The following DIP2C variants were observed in gnomAD, a reference collection of about 807,000 sequenced individuals.
The protein encoded by DIP2C is DIP2 acetate--CoA ligase C (putative), also known as disco-interacting protein 2 homolog C.
DIP2C carries 33 observed loss-of-function variants against 192.4 expected under a neutral mutation model. The ratio of observed to expected loss-of-function variants is 0.17; its 90% CI spans 0.13 to 0.23. DIP2C has a LOEUF of 0.23. Ranked by LOEUF, DIP2C falls within the 10% of genes least tolerant of loss-of-function variation. The pLI, the probability that DIP2C is intolerant of heterozygous loss-of-function variation, is 1.00. For missense variants in DIP2C, 1,537 were observed against 2,110.1 expected (o/e 0.73, Z 5.32); for synonymous variants, 979 against 864.1 (o/e 1.13, Z -2.33).
intron 19 of DIP2C, 102 bp downstream of exon 19, chr10:366,172 TA>T: frequency 6.7e-7 from 1 of 1,497,240 alleles, no homozygotes; most frequent in Non-Finnish European, 9.0e-7. Flanking sequence ...CACGTCTTGC[TA>T]AAATGGATCT....
intron 1 of DIP2C, among the ~76,000 whole-genome samples, chr10:605,351 C>G (rs1285638458): frequency 6.6e-6 from 1 of 152,226 alleles, no homozygotes; most frequent in Non-Finnish European, 1.5e-5. Flanking sequence ...TCCAGATTCA[C>G]TACAGGTTCC....
At chr10:388,950 T>G (rs1369408064) in intron 13 of DIP2C, among the ~76,000 whole-genome samples, 1 of 139,380 alleles carries the variant, frequency 7.2e-6, no homozygotes, top group Non-Finnish European at 1.6e-5. Flanking sequence ...CTCAGGGACA[T>G]GGGGGGGTTC....
At chr10:518,601 G>T (rs540307444) in intron 1 of DIP2C, among the ~76,000 whole-genome samples, 3 of 152,198 alleles carry the variant, frequency 2.0e-5, no homozygotes, top group African/African-American at 7.2e-5. Context: ...GAGAGAAGGC[G>T]TGTGCCAACC....
intron 1 of DIP2C, among the ~76,000 whole-genome samples, chr10:558,979 T>TC (rs1290859385): frequency 1.3e-4 from 3 of 23,306 alleles, no homozygotes; most frequent in East Asian, 1.9e-3. Context: ...CCCCACCCCC[T>TC]CCACAGGTGA....
rs1554748852 is a variant in DIP2C, at chr10:591,132, G to GT, written c.85+98361dup. ...TTCCATTACTGGTTTTTTTTGTTTT[G>GT]TTTTTTTTAGATGGAGTCTCTGCTC... On this transcript the variant is annotated intron_variant, in intron 1 of 36. Coordinates refer to ENST00000280886, the MANE Select transcript of DIP2C (RefSeq NM_014974.3). Among the ~76,000 whole-genome samples the GT allele has an allele frequency of 9.5e-4, 145 of 151,880 alleles. 1 individual carries two copies. Among genetic ancestry groups the GT allele is most frequent in the African/African-American group, 3.0e-3 (123 of 41,386 alleles).
intron 3 of DIP2C, among the ~76,000 whole-genome samples, chr10:455,357 G>A (rs1262709207): frequency 4.3e-5 from 5 of 115,526 alleles, no homozygotes; most frequent in Admixed American, 3.6e-4. Context: ...TGAAAACACT[G>A]CAGTGAGTCC....
intron 1 of DIP2C, among the ~76,000 whole-genome samples, chr10:677,444 T>C (rs1309163777): frequency 1.3e-5 from 2 of 152,218 alleles, no homozygotes; most frequent in Non-Finnish European, 2.9e-5. Context: ...TCCCAACAGC[T>C]TCTGAGTATC....
At chr10:567,822 G>A (rs1203843076) in intron 1 of DIP2C, among the ~76,000 whole-genome samples, 1 of 151,912 alleles carries the variant, frequency 6.6e-6, no homozygotes, top group Non-Finnish European at 1.5e-5. Flanking sequence ...TTGAGACAGG[G>A]TCTCACCATT....
intron 1 of DIP2C, among the ~76,000 whole-genome samples, chr10:648,787 T>G (rs1315501958): frequency 6.8e-6 from 1 of 148,146 alleles, no homozygotes; most frequent in Admixed American, 6.7e-5. Context: ...ACGTCCACAT[T>G]TGACGGTGGG....
chr10:379,357 G>C (rs1305951928), intron 17 of DIP2C, among the ~76,000 whole-genome samples: 1 of 151,896 alleles, frequency 6.6e-6, no homozygotes, highest in South Asian at 2.1e-4. Flanking sequence ...CATTGATCCT[G>C]TGAGCCCCAG....
Position 689,578 on chromosome 10 carries a change from TGCTCCGCGGGCGCCGC to T in DIP2C, c.-16_-1del, listed in dbSNP as rs1386530292. 1.7e-6 allele frequency: 2 copies of T among 1,180,174 alleles called. No individual in the cohort carries two copies. Among genetic ancestry groups the T allele is most frequent in the Non-Finnish European group, 2.1e-6 (2 of 948,508 alleles). The allele number at this position is 1,180,174 out of a possible 1,614,324, so 73.1% of individuals were successfully genotyped here. A position where few individuals can be genotyped will look rare whatever the true frequency, so the allele number is the denominator to read the frequency against. On this transcript the variant is annotated 5_prime_UTR_variant, in exon 1 of 37. Transcript: ENST00000280886. The surrounding 1 kb of genome is among the most constrained non-coding windows in gnomAD (Gnocchi z 6.1). ...ATGCCCTCCAGGCTGCGGTCCGCCA[TGCTCCGCGGGCGCCGC>T]GCCCCGCACGGCCTCCTCTTTGTTC...
intron 1 of DIP2C, among the ~76,000 whole-genome samples, chr10:605,448 GCAC>G (rs368635020): frequency 7.2e-5 from 11 of 152,238 alleles, no homozygotes; most frequent in Admixed American, 2.6e-4. Flanking sequence ...ACTACCATAA[GCAC>G]CACAACAAAT....
chr10:498,306 C>T (rs1844995320), intron 1 of DIP2C, among the ~76,000 whole-genome samples: 1 of 152,224 alleles, frequency 6.6e-6, no homozygotes, highest in Non-Finnish European at 1.5e-5. Context: ...ATGACAGGGA[C>T]ACGCTGTACA....
chr10:423,881 CTCAAA>C (rs1321216946), intron 4 of DIP2C, among the ~76,000 whole-genome samples: 2 of 152,212 alleles, frequency 1.3e-5, no homozygotes, highest in East Asian at 1.9e-4. Context: ...ACATTTTACA[CTCAAA>C]TCAATTCACC....
chr10:510,569 T>C (rs1044249284), intron 1 of DIP2C, among the ~76,000 whole-genome samples: 5 of 152,338 alleles, frequency 3.3e-5, no homozygotes, highest in South Asian at 4.1e-4. Context: ...GTGAAATTAC[T>C]GCAGGGTCAG....
At chr10:473,965 T>A (rs568886549) in intron 2 of DIP2C, among the ~76,000 whole-genome samples, 1 of 152,202 alleles carries the variant, frequency 6.6e-6, no homozygotes, top group Admixed American at 6.5e-5. Flanking sequence ...GCATGGCTCC[T>A]ACACCGTCAT....
At chr10:515,202 C>A (rs1474448343) in intron 1 of DIP2C, among the ~76,000 whole-genome samples, 1 of 152,038 alleles carries the variant, frequency 6.6e-6, no homozygotes, top group African/African-American at 2.4e-5. Flanking sequence ...AGTAACTTGT[C>A]CATAATTGTC....
intron 1 of DIP2C, among the ~76,000 whole-genome samples, chr10:528,119 T>TC (rs760066830): frequency 7.9e-5 from 12 of 151,704 alleles, no homozygotes; most frequent in African/African-American, 1.7e-4. Flanking sequence ...GCCTGGAACA[T>TC]CCCCCCTGAA....
At position 467,220 on chromosome 10, in the gene DIP2C, T is replaced by C. The variant is rs550290435; in HGVS notation, c.268+5219A>G. The stretch of plus-strand genomic sequence containing the variant: ...ATGCAGCCATAAAATGATGAGTTCA[T>C]GTCCTTTGTAGGGACATGGATGAAA... On this transcript the variant is annotated intron_variant, in intron 3 of 36. Coordinates refer to ENST00000280886, the MANE Select transcript of DIP2C (RefSeq NM_014974.3). Among the ~76,000 whole-genome samples the C allele has an allele frequency of 3.3e-5, 5 of 152,304 alleles. No homozygotes were observed. In the East Asian group the frequency reaches 7.7e-4, roughly 24 times the overall value.
Sources: gnomAD v4.1 joint callset for allele counts (sites outside exome capture counted in the v4.1 genomes callset) on GRCh38, gnomAD v4.1.1 for gene constraint, Gnocchi (gnomAD v3.1) non-coding constraint, MANE v1.5 for transcripts, NCBI Gene and HGNC (gene_info 2026-07-23, HGNC 2026-07-21) for gene names.